Variants in LRRC28 observed in about 807,000 individuals in gnomAD.
LRRC28 encodes the protein leucine-rich repeat-containing protein 28.
Under a neutral mutation model 45.7 loss-of-function variants are expected in LRRC28, and 39 were observed. The ratio of observed to expected loss-of-function variants is 0.85; its 90% CI spans 0.66 to 1.12. The LOEUF is 1.12. Ranked by LOEUF, LRRC28 falls within the 50% of genes most tolerant of loss-of-function variation. The pLI, the probability that LRRC28 is intolerant of heterozygous loss-of-function variation, is 0.00. For missense variants in LRRC28, 435 were observed against 438.5 expected, an observed-to-expected ratio of 0.99 and a Z score of 0.07; for synonymous variants, 206 against 178.8, an observed-to-expected ratio of 1.15 and a Z score of -1.22.
intron 2 of LRRC28, chr15:99,259,946 G>T (rs1175431902): frequency 3.0e-6 from 2 of 670,904 alleles, no homozygotes; most frequent in Non-Finnish European, 5.5e-6. Context: ...CAAAGACAAA[G>T]AAATGGATGT....
chr15:99,337,811 A>C (rs1158694940), intron 6 of LRRC28: 5 of 152,288 alleles, frequency 3.3e-5, no homozygotes, highest in African/African-American at 1.2e-4. Flanking sequence ...CAAGGCTTAC[A>C]GCCCTGGCAG....
At chr15:99,319,659 G>GT (rs772501941) in intron 5 of LRRC28, among the ~76,000 whole-genome samples, 65,274 of 148,042 alleles carry the variant, frequency 0.44, 17,836 homozygotes, top group African/African-American at 0.79. Flanking sequence ...AAACAGTGTG[G>GT]TTTTTTTTTT....
chr15:99,317,061 T>C (rs1030313247), intron 5 of LRRC28, among the ~76,000 whole-genome samples: 2 of 150,946 alleles, frequency 1.3e-5, no homozygotes, highest in African/African-American at 2.4e-5. Flanking sequence ...AAAGTGATAA[T>C]AGTCAGAGCC....
At chr15:99,290,024 G>A (rs2082074687) in intron 5 of LRRC28, among the ~76,000 whole-genome samples, 1 of 150,232 alleles carries the variant, frequency 6.7e-6, no homozygotes. Flanking sequence ...TTGGGAGGCC[G>A]AGGTGGGTGG....
intron 5 of LRRC28, among the ~76,000 whole-genome samples, chr15:99,304,941 C>A (rs898393919): frequency 1.6e-4 from 24 of 152,016 alleles, no homozygotes; most frequent in African/African-American, 5.1e-4. Flanking sequence ...TTTTGTTGGG[C>A]CTCCACAACA....
Position 99,334,024 on chromosome 15 carries a change from A to G in LRRC28, c.487A>G (p.Thr163Ala), listed in dbSNP as rs1399855139. The G allele has an allele frequency of 5.0e-6, 8 of 1,614,080 alleles. No individual in the cohort carries two copies. Among genetic ancestry groups the G allele is most frequent in the South Asian group, 2.2e-5 (2 of 91,078 alleles). Reference sequence around the variant, plus strand: ...CATGTGCCTTTCTCTGCAGTACCTCACTGTGGACCGAAATCGTCTATGGTA... The same window carrying G: ...CATGTGCCTTTCTCTGCAGTACCTCGCTGTGGACCGAAATCGTCTATGGTA... ...LHMCLSLQYL[T>A]VDRNRLWYVP... The change falls in exon 6 of 10, where the codon ACT becomes GCT. Residue 163 changes from threonine (T) to alanine (A), a missense_variant. By Grantham distance (58) the Thr-to-Ala change is moderately conservative. Coordinates refer to ENST00000301981, the MANE Select transcript of LRRC28 (RefSeq NM_144598.5).
intron 7 of LRRC28, among the ~76,000 whole-genome samples, chr15:99,357,299 C>T (rs181526327): frequency 6.6e-6 from 1 of 152,158 alleles, no homozygotes; most frequent in Non-Finnish European, 1.5e-5. Context: ...ATGTTCCTCA[C>T]AAATGTATAT....
chr15:99,308,877 G>A (rs1203019464), intron 5 of LRRC28, among the ~76,000 whole-genome samples: 1 of 152,162 alleles, frequency 6.6e-6, no homozygotes, highest in Non-Finnish European at 1.5e-5. Context: ...GGTTGGCCAG[G>A]GCTGCAGTCT....
intron 9 of LRRC28, among the ~76,000 whole-genome samples, chr15:99,376,411 T>C (rs1054305342): frequency 6.6e-5 from 10 of 152,338 alleles, no homozygotes; most frequent in Non-Finnish European, 1.0e-4. Context: ...GGTAGAAATA[T>C]GAGTTATTGA....
intron 5 of LRRC28, among the ~76,000 whole-genome samples, chr15:99,294,867 G>A (rs2082223208): frequency 1.3e-5 from 2 of 152,136 alleles, no homozygotes; most frequent in South Asian, 2.1e-4. Flanking sequence ...CATCTTTCAG[G>A]TGCTTCACTT....
At chr15:99,385,098 AG>A (rs1259627354) in intron 9 of LRRC28, among the ~76,000 whole-genome samples, 1 of 152,166 alleles carries the variant, frequency 6.6e-6, no homozygotes, top group Non-Finnish European at 1.5e-5. Flanking sequence ...GAGGTAGCAA[AG>A]GGGGCCTGCC....
At chr15:99,336,047 ATGT>A (rs903365130) in intron 6 of LRRC28, among the ~76,000 whole-genome samples, 7 of 152,146 alleles carry the variant, frequency 4.6e-5, no homozygotes, top group African/African-American at 1.4e-4. Context: ...ACTATTCATA[ATGT>A]TGTTGTTATT....
intron 6 of LRRC28, among the ~76,000 whole-genome samples, chr15:99,347,441 T>A (rs1038094074): frequency 2.0e-5 from 3 of 152,200 alleles, no homozygotes; most frequent in African/African-American, 4.8e-5. Flanking sequence ...TCTCCTGACC[T>A]CGTGATCTGC....
intron 2 of LRRC28, among the ~76,000 whole-genome samples, chr15:99,261,412 T>G (rs1161416993): frequency 6.6e-6 from 1 of 152,178 alleles, no homozygotes; most frequent in Non-Finnish European, 1.5e-5. Context: ...ATTTCTTAAC[T>G]GCTCTGGAGT....
chr15:99,385,349 T>C (rs1957951676), intron 9 of LRRC28, among the ~76,000 whole-genome samples: 1 of 152,194 alleles, frequency 6.6e-6, no homozygotes, highest in African/African-American at 2.4e-5. Context: ...ACAGGGGGTC[T>C]TGTGGAAACA....
intron 2 of LRRC28, among the ~76,000 whole-genome samples, chr15:99,276,298 T>G (rs1033435764): frequency 6.6e-6 from 1 of 152,126 alleles, no homozygotes; most frequent in Non-Finnish European, 1.5e-5. Flanking sequence ...CCCCACAACC[T>G]TGTCTGTGGA....
In LRRC28 at chr15:99,387,024, G is replaced by A. The variant is rs989184641; in HGVS notation, c.*922G>A. 1 of 152,000 alleles carries A rather than the reference G, an allele frequency of 6.6e-6. No homozygotes were observed. The highest frequency in any genetic ancestry group is 1.5e-5 in the Non-Finnish European group (1 of 67,998). 9.4% of individuals were successfully genotyped at this position (152,000 alleles called of 1,614,324 possible). A position where few individuals can be genotyped will look rare whatever the true frequency, so the allele number is the denominator to read the frequency against. Reference sequence around the variant, plus strand: ...TTTATACTGACTTTGAAATATTTTTGTCACATGTGAAAGGCTTCAGCTACT... The same window carrying A: ...TTTATACTGACTTTGAAATATTTTTATCACATGTGAAAGGCTTCAGCTACT... On this transcript the variant is annotated 3_prime_UTR_variant, in exon 10 of 10. Transcript: ENST00000301981.
rs753707179 is a variant in LRRC28, at chr15:99,287,827, T to C, written c.261T>C (p.Leu87=). The C allele has an allele frequency of 3.7e-6, 6 of 1,612,122 alleles. No individual in the cohort carries two copies. In the South Asian group the frequency reaches 4.4e-5, roughly 12 times the overall value. Residue 87 remains leucine, a synonymous_variant, in exon 5 of 10, where the codon CTT becomes CTC. Coordinates refer to ENST00000301981, the MANE Select transcript of LRRC28 (RefSeq NM_144598.5). ...IVVVPEAIGS[L]VKLQCLDLSD... ...TTCTCTTTGAAGCCATTGGGTCTCTTGTAAAACTCCAATGTCTGGATCTTA... is the reference window on the plus strand; with the variant it reads ...TTCTCTTTGAAGCCATTGGGTCTCTCGTAAAACTCCAATGTCTGGATCTTA...
chr15:99,352,807 T>TA (rs1956928315), intron 7 of LRRC28, among the ~76,000 whole-genome samples: 1 of 152,218 alleles, frequency 6.6e-6, no homozygotes. Flanking sequence ...CTACCACACA[T>TA]ACCGTTATAA....
Sources: gnomAD v4.1 joint callset for allele counts (sites outside exome capture counted in the v4.1 genomes callset) on GRCh38, gnomAD v4.1.1 for gene constraint, MANE v1.5 for transcripts, NCBI Gene and HGNC (gene_info 2026-07-23, HGNC 2026-07-21) for gene names.